The following FAM53A variants were observed in gnomAD, a reference collection of about 807,000 sequenced individuals.
The protein encoded by FAM53A is family with sequence similarity 53 member A.
Under a neutral mutation model 26.6 loss-of-function variants are expected in FAM53A, and 28 were observed. The observed-to-expected ratio is 1.05, with a 90% CI of 0.78 to 1.45. The LOEUF (loss-of-function observed/expected upper bound fraction) is 1.45. FAM53A is among the 40% of genes most tolerant of loss of function. FAM53A has a pLI of 0.00. For missense variants in FAM53A, 650 were observed against 575.8 expected, an observed-to-expected ratio of 1.13 and a Z score of -1.32; for synonymous variants, 290 against 253.1, an observed-to-expected ratio of 1.15 and a Z score of -1.38.
At chr4:1,599,503 T>TG in the FAM53A span, among the ~76,000 whole-genome samples, 1 of 152,100 alleles carries the variant, frequency 6.6e-6, no homozygotes, top group Admixed American at 6.5e-5. The surrounding 1 kb of genome is among the most constrained non-coding windows in gnomAD (Gnocchi z 6.1). Context: ...GACAGGAGGC[T>TG]GGGGAGGCGT....
the FAM53A span, among the ~76,000 whole-genome samples, chr4:1,586,146 T>C: frequency 6.6e-6 from 1 of 152,168 alleles, no homozygotes; most frequent in Non-Finnish European, 1.5e-5. Context: ...CTGTTACAAA[T>C]AGTACTATCA....
intron 2 of FAM53A, among the ~76,000 whole-genome samples, chr4:1,662,894 T>C (rs919000353): frequency 6.6e-6 from 1 of 152,124 alleles, no homozygotes. Context: ...CACGCGTTGA[T>C]GAGAGTTGGA....
At chr4:1,651,939 C>G (rs1032097838) in intron 4 of FAM53A, among the ~76,000 whole-genome samples, 2 of 151,286 alleles carry the variant, frequency 1.3e-5, no homozygotes, top group African/African-American at 4.9e-5. Context: ...CAGGCACCCA[C>G]CTATGCATCA....
At chr4:1,614,218 G>A (rs1714724423), downstream of FAM53A, among the ~76,000 whole-genome samples, 1 of 152,156 alleles carries the variant, frequency 6.6e-6, no homozygotes, top group African/African-American at 2.4e-5. Flanking sequence ...CGGCTGTGGG[G>A]CTTGTGGAAA....
chr4:1,672,929 C>T (rs769242326), intron 1 of FAM53A, among the ~76,000 whole-genome samples: 5 of 151,994 alleles, frequency 3.3e-5, no homozygotes, highest in African/African-American at 4.8e-5. Flanking sequence ...ACTACCACAC[C>T]CAGCTAATTT....
the FAM53A span, among the ~76,000 whole-genome samples, chr4:1,608,005 A>C: frequency 6.6e-6 from 1 of 151,262 alleles, no homozygotes; most frequent in African/African-American, 2.4e-5. Flanking sequence ...CCAGCTACTC[A>C]GGAGGCTGAG....
At chr4:1,633,902 G>C (rs114005193) in intron 1 of FAM53A, among the ~76,000 whole-genome samples, 2,044 of 152,200 alleles carry the variant, frequency 0.013, 44 homozygotes, top group African/African-American at 0.046. Context: ...GGGCATGACT[G>C]GGGGGTCTGG....
intron 4 of FAM53A, among the ~76,000 whole-genome samples, chr4:1,654,278 G>C (rs997189052): frequency 6.6e-6 from 1 of 152,090 alleles, no homozygotes; most frequent in Non-Finnish European, 1.5e-5. Flanking sequence ...GAGCGCTGCC[G>C]GGCCCCCAGA....
downstream of FAM53A, among the ~76,000 whole-genome samples, chr4:1,615,046 G>A (rs1328666622): frequency 3.9e-5 from 6 of 152,094 alleles, no homozygotes; most frequent in East Asian, 1.9e-4. Context: ...GGCAGGATGC[G>A]GCCACGCCCA....
intron 1 of FAM53A, among the ~76,000 whole-genome samples, chr4:1,674,829 T>C (rs1010369209): frequency 2.0e-5 from 3 of 152,042 alleles, no homozygotes; most frequent in African/African-American, 7.2e-5. Context: ...AACTGAGCCA[T>C]GAGGATGCAG....
intron 1 of FAM53A, among the ~76,000 whole-genome samples, chr4:1,670,114 G>A (rs916130797): frequency 5.3e-5 from 8 of 151,968 alleles, no homozygotes; most frequent in Non-Finnish European, 7.3e-5. Context: ...GCCCGGCCAC[G>A]TGGGCCATGC....
In FAM53A at chr4:1,650,572, C is replaced by G. The variant is rs192189350; in HGVS notation, c.882+4406G>C. On this transcript the variant is annotated intron_variant, in intron 4 of 4. Coordinates refer to ENST00000308132, the MANE Select transcript of FAM53A (RefSeq NM_001174070.3). The stretch of plus-strand genomic sequence containing the variant: ...AGTGCAGTGGCGTGATCTCAGTTCA[C>G]CGCAACCTCCGCCTCCAGGTTCAAG... Among the ~76,000 whole-genome samples the G allele has an allele frequency of 5.4e-3, 819 of 152,202 alleles. 3 individuals carry two copies. The highest frequency in any genetic ancestry group is 8.9e-3 in the Non-Finnish European group (603 of 68,012).
At chr4:1,657,354 G>A (rs1393999896) in intron 3 of FAM53A, 54 bp downstream of exon 3, 11 of 1,536,862 alleles carry the variant, frequency 7.2e-6, no homozygotes, top group South Asian at 5.7e-5. Flanking sequence ...CCCAGCCCAG[G>A]AGCCCAGTCC....
At chr4:1,582,400 A>G in the FAM53A span, among the ~76,000 whole-genome samples, 1 of 152,224 alleles carries the variant, frequency 6.6e-6, no homozygotes, top group Non-Finnish European at 1.5e-5. Context: ...CCGCGGGGAA[A>G]GACCAGAAGG....
At chr4:1,614,785 G>A (rs140421335), downstream of FAM53A, among the ~76,000 whole-genome samples, 150 of 152,266 alleles carry the variant, frequency 9.9e-4, 2 homozygotes, top group Admixed American at 3.6e-3. Context: ...CGCACTGAGC[G>A]TGTATATTGA....
chr4:1,594,363 C>A, the FAM53A span, among the ~76,000 whole-genome samples: 2 of 152,134 alleles, frequency 1.3e-5, no homozygotes, highest in Non-Finnish European at 2.9e-5. Flanking sequence ...GGACCCTGGG[C>A]AGGATCTAAC....
At chr4:1,642,412 G>T (rs933225401) in intron 4 of FAM53A, among the ~76,000 whole-genome samples, 1 of 151,996 alleles carries the variant, frequency 6.6e-6, no homozygotes, top group Non-Finnish European at 1.5e-5. Flanking sequence ...CGGAGGTGCC[G>T]CCACCACCCC....
At chr4:1,596,981 C>T in the FAM53A span, among the ~76,000 whole-genome samples, 3 of 152,258 alleles carry the variant, frequency 2.0e-5, no homozygotes, top group Non-Finnish European at 4.4e-5. Context: ...GCACCCTCCT[C>T]GGGGCCTCCC....
intron 1 of FAM53A, among the ~76,000 whole-genome samples, chr4:1,622,157 G>A (rs576837984): frequency 1.3e-4 from 20 of 152,284 alleles, no homozygotes; most frequent in Non-Finnish European, 1.9e-4. Context: ...CCCTGTTCAC[G>A]ATCAGTTACC....
Sources: allele counts gnomAD v4.1 joint callset (sites outside exome capture counted in the v4.1 genomes callset), GRCh38; gene constraint gnomAD v4.1.1; non-coding constraint Gnocchi (gnomAD v3.1); transcripts MANE v1.5; gene names NCBI Gene and HGNC (gene_info 2026-07-23, HGNC 2026-07-21).